Variants in CFAP299 observed in about 807,000 individuals in gnomAD.
CFAP299 encodes cilia and flagella associated protein 299.
A neutral mutation model predicts 27.0 loss-of-function variants in CFAP299; 21 were observed. That is an observed-to-expected ratio of 0.78 (90% confidence interval 0.55 to 1.12). The LOEUF is 1.12. CFAP299 is among the 50% of genes most tolerant of loss of function. The pLI is 0.00. For synonymous variants in CFAP299, 104 were observed against 98.1 expected, an observed-to-expected ratio of 1.06 and a Z score of -0.36; for missense variants, 310 against 276.6, an observed-to-expected ratio of 1.12 and a Z score of -0.86.
At chr4:80,663,080 A>C (rs1403458165) in intron 3 of CFAP299, among the ~76,000 whole-genome samples, 3 of 151,784 alleles carry the variant, frequency 2.0e-5, no homozygotes, top group African/African-American at 7.2e-5. Flanking sequence ...TATATTAATA[A>C]TCAGTTGTAT....
At chr4:80,368,944 T>A (rs142947362) in intron 2 of CFAP299, among the ~76,000 whole-genome samples, 208 of 55,658 alleles carry the variant, frequency 3.7e-3, no homozygotes, top group African/African-American at 0.018. Context: ...GCACAAGGTT[T>A]GTTGAGAAAG....
chr4:80,572,307 T>C (rs1414826008), intron 2 of CFAP299, among the ~76,000 whole-genome samples: 1 of 151,948 alleles, frequency 6.6e-6, no homozygotes, highest in African/African-American at 2.4e-5. Flanking sequence ...TTAGCCATTC[T>C]CATTTCCCCA....
At chr4:80,885,412 C>T (rs570369236) in intron 4 of CFAP299, among the ~76,000 whole-genome samples, 2 of 152,294 alleles carry the variant, frequency 1.3e-5, no homozygotes, top group South Asian at 4.1e-4. Flanking sequence ...AATGCCTGCA[C>T]CATCCCTATC....
At chr4:80,613,448 T>C (rs931806276) in intron 3 of CFAP299, among the ~76,000 whole-genome samples, 1 of 152,164 alleles carries the variant, frequency 6.6e-6, no homozygotes, top group African/African-American at 2.4e-5. Context: ...CTCAATTTAT[T>C]ATAAACAAAA....
intron 2 of CFAP299, among the ~76,000 whole-genome samples, chr4:80,517,861 T>G (rs563210745): frequency 6.6e-6 from 1 of 152,290 alleles, no homozygotes; most frequent in Admixed American, 6.5e-5. Flanking sequence ...TGAACTGCAC[T>G]ATGAATACAA....
chr4:80,920,363 G>T (rs1735984588), intron 4 of CFAP299, among the ~76,000 whole-genome samples: 1 of 152,116 alleles, frequency 6.6e-6, no homozygotes, highest in Non-Finnish European at 1.5e-5. Context: ...ATGGGGTCAG[G>T]TAGGGCCAGA....
At chr4:80,502,440 T>G (rs1279398688) in intron 2 of CFAP299, among the ~76,000 whole-genome samples, 1 of 152,102 alleles carries the variant, frequency 6.6e-6, no homozygotes, top group Non-Finnish European at 1.5e-5. Flanking sequence ...AGTTGCAGAT[T>G]TCCTTTACTC....
chr4:80,627,706 A>G (rs1738981501), intron 3 of CFAP299, among the ~76,000 whole-genome samples: 1 of 152,020 alleles, frequency 6.6e-6, no homozygotes, highest in Non-Finnish European at 1.5e-5. Flanking sequence ...ATAGCAAGCT[A>G]TCTGAAAAAG....
At chr4:80,679,944 G>A (rs894450008) in intron 3 of CFAP299, among the ~76,000 whole-genome samples, 1 of 151,836 alleles carries the variant, frequency 6.6e-6, no homozygotes, top group Non-Finnish European at 1.5e-5. Context: ...TTTCAGTTTT[G>A]ATGAGATCCA....
At chr4:80,540,871 G>T (rs926003810) in intron 2 of CFAP299, among the ~76,000 whole-genome samples, 1 of 152,094 alleles carries the variant, frequency 6.6e-6, no homozygotes, top group South Asian at 2.1e-4. Flanking sequence ...GTGATTAGCA[G>T]GAACTATCTA....
intron 2 of CFAP299, among the ~76,000 whole-genome samples, chr4:80,448,114 G>A (rs897850383): frequency 1.3e-5 from 2 of 152,116 alleles, no homozygotes; most frequent in Non-Finnish European, 1.5e-5. Context: ...ACCCCACTTC[G>A]TGGCAATATT....
At chr4:80,703,320 A>G (rs535841863) in intron 3 of CFAP299, among the ~76,000 whole-genome samples, 1 of 151,722 alleles carries the variant, frequency 6.6e-6, no homozygotes, top group East Asian at 1.9e-4. Flanking sequence ...GTTAAAGACA[A>G]TGATGTGCTA....
chr4:80,651,272 T>C (rs1577975475), intron 3 of CFAP299, among the ~76,000 whole-genome samples: 2 of 126,568 alleles, frequency 1.6e-5, no homozygotes, highest in Middle Eastern at 7.4e-3. Flanking sequence ...TCTTTCTCTT[T>C]CTCTCTTTCT....
At chr4:80,354,826 T>A (rs1453902967) in intron 1 of CFAP299, among the ~76,000 whole-genome samples, 4 of 152,186 alleles carry the variant, frequency 2.6e-5, no homozygotes, top group African/African-American at 9.6e-5. Flanking sequence ...TCCAGCTCCA[T>A]CCATTTCCCT....
chr4:80,480,922 C>T (rs1730532056), intron 2 of CFAP299, among the ~76,000 whole-genome samples: 1 of 151,568 alleles, frequency 6.6e-6, no homozygotes, highest in African/African-American at 2.4e-5. Context: ...TAAGTGCTAC[C>T]CTTAAAGTGT....
chr4:80,740,087 C>T (rs760796937), intron 3 of CFAP299, among the ~76,000 whole-genome samples: 3 of 152,098 alleles, frequency 2.0e-5, no homozygotes. Context: ...CTTTAAGCTT[C>T]CTCAAGACAG....
chr4:80,489,560 G>A (rs1040284177), intron 2 of CFAP299, among the ~76,000 whole-genome samples: 7 of 152,098 alleles, frequency 4.6e-5, no homozygotes, highest in East Asian at 1.9e-4. Context: ...AGGGAAAGAC[G>A]TATGATGAGC....
At chr4:80,898,630 T>A (rs1019215751) in intron 4 of CFAP299, among the ~76,000 whole-genome samples, 1 of 151,906 alleles carries the variant, frequency 6.6e-6, no homozygotes, top group Non-Finnish European at 1.5e-5. Flanking sequence ...AATTTTCCTG[T>A]CTCCTGTTGC....
chr4:80,454,978 C>A (rs189499749), intron 2 of CFAP299, among the ~76,000 whole-genome samples: 1 of 152,184 alleles, frequency 6.6e-6, no homozygotes, highest in East Asian at 1.9e-4. Context: ...ACCAGATGAG[C>A]CAGTTTATTG....
Sources: gnomAD v4.1 joint callset for allele counts (sites outside exome capture counted in the v4.1 genomes callset) on GRCh38, gnomAD v4.1.1 for gene constraint, MANE v1.5 for transcripts, NCBI Gene and HGNC (gene_info 2026-07-23, HGNC 2026-07-21) for gene names.